The following GALNT17 variants were observed in gnomAD, a reference collection of about 807,000 sequenced individuals.
The protein encoded by GALNT17 is polypeptide N-acetylgalactosaminyltransferase 17, also known as UDP-GalNAc:polypeptide N-acetylgalactosaminyltransferase-like 3.
A neutral mutation model predicts 63.7 loss-of-function variants in GALNT17; 29 were observed. The ratio of observed to expected loss-of-function variants is 0.46; its 90% CI spans 0.34 to 0.62. GALNT17 has a LOEUF of 0.62. Ranked by LOEUF, GALNT17 falls within the 20% of genes least tolerant of loss-of-function variation. GALNT17 has a pLI of 0.01. For synonymous variants in GALNT17, 305 were observed against 318.3 expected, an observed-to-expected ratio of 0.96 and a Z score of 0.45; for missense variants, 603 against 799.6, an observed-to-expected ratio of 0.75 and a Z score of 2.97.
At chr7:71,661,933 C>T (rs565535673) in intron 6 of GALNT17, among the ~76,000 whole-genome samples, 1 of 152,314 alleles carries the variant, frequency 6.6e-6, no homozygotes, top group East Asian at 1.9e-4. Context: ...ATCTCCCTCC[C>T]CTTGTTTAAA....
At chr7:71,187,744 AT>A (rs1274333521) in intron 1 of GALNT17, among the ~76,000 whole-genome samples, 14 of 151,868 alleles carry the variant, frequency 9.2e-5, no homozygotes, top group East Asian at 3.9e-4. Flanking sequence ...TTAGAAAAAA[AT>A]TTTTTATTTC....
chr7:71,179,066 C>G (rs986471536), intron 1 of GALNT17, among the ~76,000 whole-genome samples: 6 of 152,044 alleles, frequency 3.9e-5, no homozygotes, highest in African/African-American at 1.4e-4. Context: ...ATCCTTTGGG[C>G]TAGCTAATGT....
intron 1 of GALNT17, among the ~76,000 whole-genome samples, chr7:71,144,644 G>T (rs1307931338): frequency 1.3e-5 from 2 of 152,086 alleles, no homozygotes; most frequent in East Asian, 3.9e-4. Context: ...AGGTTTTGTG[G>T]CAGAGAAAGA....
intron 6 of GALNT17, among the ~76,000 whole-genome samples, chr7:71,624,616 A>G (rs1790344706): frequency 7.2e-5 from 11 of 152,198 alleles, no homozygotes; most frequent in Admixed American, 7.2e-4. Context: ...AAAATGATGG[A>G]TGACCCCAAA....
chr7:71,375,835 A>G (rs2116293072), intron 2 of GALNT17, among the ~76,000 whole-genome samples: 1 of 152,296 alleles, frequency 6.6e-6, no homozygotes, highest in African/African-American at 2.4e-5. Context: ...TGCCAGTTTC[A>G]ACGTACAGTA....
intron 1 of GALNT17, among the ~76,000 whole-genome samples, chr7:71,218,038 A>C (rs538223422): frequency 6.6e-6 from 1 of 152,316 alleles, no homozygotes; most frequent in South Asian, 2.1e-4. Context: ...GCAACTTTCA[A>C]AACATTTTCT....
intron 6 of GALNT17, among the ~76,000 whole-genome samples, chr7:71,637,822 C>G (rs528706726): frequency 1.3e-5 from 2 of 152,060 alleles, no homozygotes; most frequent in Non-Finnish European, 2.9e-5. Context: ...AAAGGGGTCC[C>G]GATCCAGAGG....
chr7:71,396,928 T>C (rs903257795), intron 3 of GALNT17, among the ~76,000 whole-genome samples: 1 of 152,156 alleles, frequency 6.6e-6, no homozygotes, highest in African/African-American at 2.4e-5. Flanking sequence ...ATTGTTATTG[T>C]ATAGAAACAC....
intron 5 of GALNT17, among the ~76,000 whole-genome samples, chr7:71,433,582 T>C (rs1400081002): frequency 6.6e-6 from 1 of 152,178 alleles, no homozygotes; most frequent in East Asian, 1.9e-4. Context: ...TGAAGACAGA[T>C]TGAGTATCAA....
intron 1 of GALNT17, among the ~76,000 whole-genome samples, chr7:71,263,781 C>CG (rs1328703362): frequency 1.3e-5 from 2 of 151,416 alleles, no homozygotes; most frequent in South Asian, 2.1e-4. Context: ...AAAAGTTAGC[C>CG]GGCGTGGTGG....
In GALNT17 at chr7:71,296,094, G is replaced by T. The variant is rs192716795; in HGVS notation, c.239-39456G>T. Among the ~76,000 whole-genome samples, 335 of 152,024 alleles carry T rather than the reference G, an allele frequency of 2.2e-3. 1 individual carries two copies. Among genetic ancestry groups the T allele is most frequent in the African/African-American group, 7.8e-3 (323 of 41,466 alleles). On this transcript the variant is annotated intron_variant, in intron 1 of 10. Transcript: ENST00000333538. ...TTTTTAGCCTTTTCCTCATAGTTGG[G>T]GCTATTCCTCTTGTTATCTGTCTTT...
intron 5 of GALNT17, among the ~76,000 whole-genome samples, chr7:71,476,545 T>G (rs55810201): frequency 0.21 from 31,507 of 151,458 alleles, 4,271 homozygotes; most frequent in East Asian, 0.55. Flanking sequence ...ATAGGTTGAC[T>G]AATTGTTGAA....
At chr7:71,497,231 T>G (rs1584003627) in intron 5 of GALNT17, among the ~76,000 whole-genome samples, 1 of 152,176 alleles carries the variant, frequency 6.6e-6, no homozygotes, top group African/African-American at 2.4e-5. Flanking sequence ...TGTGCACTAA[T>G]CCACTAATGC....
intron 5 of GALNT17, among the ~76,000 whole-genome samples, chr7:71,457,751 A>G (rs7786783): frequency 0.27 from 41,108 of 151,970 alleles, 7,591 homozygotes; most frequent in East Asian, 0.55. Context: ...TGTCTTTACC[A>G]CAACTTGTTT....
chr7:71,389,771 A>G (rs988725940), intron 3 of GALNT17, among the ~76,000 whole-genome samples: 7 of 152,118 alleles, frequency 4.6e-5, no homozygotes, highest in Non-Finnish European at 1.0e-4. Flanking sequence ...CTGTTTATCT[A>G]CATTGGAATT....
intron 5 of GALNT17, among the ~76,000 whole-genome samples, chr7:71,541,914 C>T (rs2116808068): frequency 6.6e-6 from 1 of 152,250 alleles, no homozygotes; most frequent in Admixed American, 6.5e-5. Context: ...CACAGGGAGG[C>T]CCATTTCAGA....
At chr7:71,710,600 G>A (rs1244928421) in intron 9 of GALNT17, among the ~76,000 whole-genome samples, 161 bp from the exon 10 acceptor site, 1 of 152,142 alleles carries the variant, frequency 6.6e-6, no homozygotes, top group African/African-American at 2.4e-5. Flanking sequence ...GGGCTGTCCT[G>A]TGAGGTGAGC....
At chr7:71,660,471 C>T (rs1790891544) in intron 6 of GALNT17, among the ~76,000 whole-genome samples, 1 of 152,242 alleles carries the variant, frequency 6.6e-6, no homozygotes, top group Non-Finnish European at 1.5e-5. Context: ...GTGCATTTCT[C>T]TTCATTTCTT....
intron 1 of GALNT17, among the ~76,000 whole-genome samples, chr7:71,259,215 T>A (rs1277083901): frequency 6.6e-6 from 1 of 152,120 alleles, no homozygotes; most frequent in South Asian, 2.1e-4. Flanking sequence ...TGTCAAAGGC[T>A]TGGATCAAAG....
Sources: gnomAD v4.1 joint callset for allele counts (sites outside exome capture counted in the v4.1 genomes callset) on GRCh38, gnomAD v4.1.1 for gene constraint, MANE v1.5 for transcripts, NCBI Gene and HGNC (gene_info 2026-07-23, HGNC 2026-07-21) for gene names.